PCDHGA6: variants seen among roughly 807,000 people sequenced by gnomAD.
PCDHGA6 encodes the protein protocadherin gamma subfamily A, 6, also known as protocadherin gamma-A6.
A neutral mutation model predicts 60.6 loss-of-function variants in PCDHGA6; 41 were observed. The ratio of observed to expected loss-of-function variants is 0.68; its 90% CI spans 0.53 to 0.88. The LOEUF is 0.88. Among genes scored for constraint, PCDHGA6 ranks in the 40% least tolerant of loss-of-function variants. The probability of loss-of-function intolerance (pLI) is 0.00; values close to 1 mark genes in which losing one functional copy is unlikely to be tolerated. For synonymous variants in PCDHGA6, 594 were observed against 524.4 expected, an observed-to-expected ratio of 1.13 and a Z score of -1.81; for missense variants, 1,312 against 1,203.0, an observed-to-expected ratio of 1.09 and a Z score of -1.34.
At position 141,486,121 on chromosome 5, in the gene PCDHGA6, T is replaced by C. The variant is rs371827617; in HGVS notation, c.2425-8686T>C. 5.6e-6 allele frequency: 9 copies of C among 1,614,086 alleles called. No individual in the cohort carries two copies. The highest frequency in any genetic ancestry group is 2.2e-5 in the South Asian group (2 of 91,082). ...TAGACTTTGAGAGTGAGAATTACTATGAATTTGATGTGCGGGCTCGCGATG... is the reference window on the plus strand; with the variant it reads ...TAGACTTTGAGAGTGAGAATTACTACGAATTTGATGTGCGGGCTCGCGATG... On this transcript the variant is annotated intron_variant, in intron 1 of 3. Coordinates refer to ENST00000517434, the MANE Select transcript of PCDHGA6 (RefSeq NM_018919.3). This position sits in a 1 kb window ranked among gnomAD's most constrained non-coding sequence, Gnocchi z 5.0.
chr5:141,385,246 G>A (rs1285071081), intron 1 of PCDHGA6: 1 of 1,614,084 alleles, frequency 6.2e-7, no homozygotes, highest in Non-Finnish European at 8.5e-7. Context: ...CATCAGCCAG[G>A]AGAGCTGTGA....
intron 1 of PCDHGA6, chr5:141,430,576 T>G (rs767759432): frequency 3.3e-5 from 15 of 459,492 alleles, no homozygotes; most frequent in Non-Finnish European, 5.5e-5. Flanking sequence ...AAAGCGGAGA[T>G]CCTGCTCGCC....
In PCDHGA6 at chr5:141,413,486, C is replaced by T. The variant is rs756751796; in HGVS notation, c.2424+36979C>T. On this transcript the variant is annotated intron_variant, in intron 1 of 3. Transcript: ENST00000517434. Reference sequence around the variant, plus strand: ...CGGGAGGAGCTCTGCGCTCAGAGCGCGCGGTGCGTGGTGAGTTTTAATATC... The same window carrying T: ...CGGGAGGAGCTCTGCGCTCAGAGCGTGCGGTGCGTGGTGAGTTTTAATATC... 5.0e-6 allele frequency: 8 copies of T among 1,613,914 alleles called. No homozygotes were observed. The African/African-American group carries it at 9.3e-5, about 19-fold the overall frequency.
Position 141,431,872 on chromosome 5 carries a change from A to G in PCDHGA6, c.2424+55365A>G, listed in dbSNP as rs2097425104. 5 of 1,614,222 alleles carry G rather than the reference A, an allele frequency of 3.1e-6. No individual in the cohort carries two copies. The highest frequency in any genetic ancestry group is 4.2e-6 in the Non-Finnish European group (5 of 1,180,002). ...GGACATTAATTGCCCTTTTAAATGT[A>G]AATGACCAAGATTCTGAGGAAAACG... On this transcript the variant is annotated intron_variant, in intron 1 of 3. Transcript: ENST00000517434. The surrounding 1 kb of genome is among the most constrained non-coding windows in gnomAD (Gnocchi z 4.8).
At chr5:141,415,683 G>C in intron 1 of PCDHGA6, 1 of 1,517,194 alleles carries the variant, frequency 6.6e-7, no homozygotes, top group African/African-American at 1.4e-5. Flanking sequence ...TTTGCGGCAT[G>C]ATGGTGGAAA....
At chr5:141,422,724 G>T (rs560544401) in intron 1 of PCDHGA6, 3 of 1,606,016 alleles carry the variant, frequency 1.9e-6, no homozygotes, top group Admixed American at 3.3e-5. Context: ...CTGTCCAGGG[G>T]GTGCCTCTGT....
chr5:141,404,879 G>C (rs770577946), intron 1 of PCDHGA6: 1 of 1,613,906 alleles, frequency 6.2e-7, no homozygotes, highest in Non-Finnish European at 8.5e-7. Flanking sequence ...ACAGAGCCTT[G>C]TGGTGGCTGT....
intron 2 of PCDHGA6, among the ~76,000 whole-genome samples, chr5:141,504,479 G>T (rs1270717855): frequency 6.6e-6 from 1 of 152,100 alleles, no homozygotes; most frequent in African/African-American, 2.4e-5. Context: ...TGGGAGTACA[G>T]TGGAGGCACC....
At position 141,374,130 on chromosome 5, in the gene PCDHGA6, T is replaced by A. The variant is rs368568776; in HGVS notation, c.47T>A (p.Leu16His). 1.2e-6 allele frequency: 2 copies of A among 1,604,204 alleles called. No individual in the cohort carries two copies. Among genetic ancestry groups the A allele is most frequent in the Middle Eastern group, 1.7e-4 (1 of 5,954 alleles). ...RHPQRSEQVLLLTLLGTLWGA... is the reference protein window; with the variant it reads ...RHPQRSEQVLHLTLLGTLWGA... ...CCGCAGCGCAGCGAGCAGGTCCTGC[T>A]CCTCACGCTCCTGGGGACGCTGTGG... The change falls in exon 1 of 4, where the codon CTC becomes CAC. Residue 16 changes from leucine to histidine, a missense_variant. Leu to His is a moderately conservative substitution (Grantham distance 99, BLOSUM62 -3). Transcript: ENST00000517434.
intron 1 of PCDHGA6, among the ~76,000 whole-genome samples, chr5:141,465,094 G>GT (rs138941665): frequency 0.11 from 15,577 of 148,094 alleles, 909 homozygotes; most frequent in African/African-American, 0.15. Flanking sequence ...TTTTCTAGTA[G>GT]TTTTTTTTTT....
At chr5:141,499,679 T>G (rs2099793341) in intron 2 of PCDHGA6, among the ~76,000 whole-genome samples, 1 of 150,922 alleles carries the variant, frequency 6.6e-6, no homozygotes, top group South Asian at 2.1e-4. Context: ...CCACCATCTT[T>G]AACAGATGAC....
At chr5:141,417,384 GAAGA>G (rs2096114648) in intron 1 of PCDHGA6, 1 of 154,070 alleles carries the variant, frequency 6.5e-6, no homozygotes, top group African/African-American at 2.4e-5. Context: ...TTTAAATTTT[GAAGA>G]AAAAATATTC....
chr5:141,430,723 A>C lies in PCDHGA6; in HGVS notation c.2424+54216A>C, dbSNP rs554822923. ...GAACTGCTCCTGACTTCAGTGGTTAAGGGCAGAATTGAAAATAATTCTGGA... is the reference window on the plus strand; with the variant it reads ...GAACTGCTCCTGACTTCAGTGGTTACGGGCAGAATTGAAAATAATTCTGGA... On this transcript the variant is annotated intron_variant, in intron 1 of 3. Transcript: ENST00000517434. 58 of 1,493,590 alleles carry C rather than the reference A, an allele frequency of 3.9e-5. No homozygotes were observed. The African/African-American group carries it at 7.7e-4, about 20-fold the overall frequency. The allele number at this position is 1,493,590 out of a possible 1,614,324, so 92.5% of individuals were successfully genotyped here. A position where few individuals can be genotyped will look rare whatever the true frequency, so the allele number is the denominator to read the frequency against.
intron 1 of PCDHGA6, chr5:141,419,253 A>C (rs1590154657): frequency 6.2e-7 from 1 of 1,613,990 alleles, no homozygotes; most frequent in South Asian, 1.1e-5. Context: ...CCAGAAAACA[A>C]CCAGCCGGGT....
chr5:141,508,974 G>A (rs962653911), intron 3 of PCDHGA6, among the ~76,000 whole-genome samples: 2 of 152,128 alleles, frequency 1.3e-5, no homozygotes, highest in Non-Finnish European at 2.9e-5. Flanking sequence ...AAAGGGCTGG[G>A]GGTGGGGGCC....
chr5:141,410,489 G>A, intron 1 of PCDHGA6: 3 of 1,613,972 alleles, frequency 1.9e-6, no homozygotes, highest in Non-Finnish European at 1.7e-6. Context: ...GGGTACAAAA[G>A]AGTTTAATTT....
At chr5:141,385,514 G>C (rs928847931) in intron 1 of PCDHGA6, 3 of 1,363,488 alleles carry the variant, frequency 2.2e-6, no homozygotes, top group Non-Finnish European at 2.8e-6. Context: ...TTTAGTGAAA[G>C]CCTATGGACA....
rs1491285973 is a variant in PCDHGA6, at chr5:141,415,739, GGT to G, written c.2424+39233_2424+39234del. 5.5e-5 allele frequency: 24 copies of G among 435,136 alleles called. No individual in the cohort carries two copies. The African/African-American group carries it at 7.2e-4, about 13-fold the overall frequency. 27.0% of individuals were successfully genotyped at this position (435,136 alleles called of 1,614,324 possible). A position where few individuals can be genotyped will look rare whatever the true frequency, so the allele number is the denominator to read the frequency against. On this transcript the variant is annotated intron_variant, in intron 1 of 3. Transcript: ENST00000517434. Reference sequence around the variant, plus strand: ...ATGAGTAGAATTTGATGTTTATTAAGGTTTTTTTTTTTTTTTTTTTTTTTTTT... The same window carrying G: ...ATGAGTAGAATTTGATGTTTATTAAGTTTTTTTTTTTTTTTTTTTTTTTTT...
chr5:141,383,820 A>T, intron 1 of PCDHGA6: 1 of 1,613,924 alleles, frequency 6.2e-7, no homozygotes, highest in East Asian at 2.2e-5. Context: ...TAGAAGGATT[A>T]GATTATGAAG....
Sources: allele counts gnomAD v4.1 joint callset (sites outside exome capture counted in the v4.1 genomes callset), GRCh38; gene constraint gnomAD v4.1.1; non-coding constraint Gnocchi (gnomAD v3.1); transcripts MANE v1.5; gene names NCBI Gene and HGNC (gene_info 2026-07-23, HGNC 2026-07-21).